The following SV2C variants were observed in gnomAD, a reference collection of about 807,000 sequenced individuals.
SV2C encodes the protein synaptic vesicle glycoprotein 2C, also known as solute carrier family 22 member B3.
A neutral mutation model predicts 79.7 loss-of-function variants in SV2C; 49 were observed. The ratio of observed to expected loss-of-function variants is 0.61; its 90% CI spans 0.49 to 0.78. The LOEUF (loss-of-function observed/expected upper bound fraction) is 0.78. SV2C is among the 30% of genes least tolerant of loss of function. The pLI, the probability that SV2C is intolerant of heterozygous loss-of-function variation, is 0.00. For missense variants in SV2C, 833 were observed against 912.9 expected (o/e 0.91, Z 1.13); for synonymous variants, 334 against 333.2 (o/e 1.00, Z -0.03).
chr5:75,864,321 C>G, the SV2C span, among the ~76,000 whole-genome samples: 6 of 151,366 alleles, frequency 4.0e-5, no homozygotes, highest in Non-Finnish European at 5.9e-5. Context: ...TCCATCCATC[C>G]ATCCATCCAT....
the SV2C span, among the ~76,000 whole-genome samples, chr5:76,017,348 G>T: frequency 2.0e-5 from 3 of 152,044 alleles, no homozygotes; most frequent in African/African-American, 4.8e-5. Context: ...GTGCAGTGGC[G>T]CAATCTTGGC....
chr5:75,857,945 A>G, the SV2C span, among the ~76,000 whole-genome samples: 1 of 152,176 alleles, frequency 6.6e-6, no homozygotes, highest in African/African-American at 2.4e-5. Flanking sequence ...TCATTTTTGT[A>G]TGTTGATTTT....
At chr5:75,850,197 A>C in the SV2C span, among the ~76,000 whole-genome samples, 1 of 152,312 alleles carries the variant, frequency 6.6e-6, no homozygotes, top group East Asian at 1.9e-4. Context: ...CAGATTTAGC[A>C]GATAAAAATT....
intron 9 of SV2C, 92 bp from the exon 10 acceptor site, chr5:76,298,701 TG>T: frequency 7.0e-7 from 1 of 1,433,076 alleles, no homozygotes; most frequent in Middle Eastern, 2.0e-4. Context: ...CAGTCCATAG[TG>T]GGGCATTCCA....
the SV2C span, among the ~76,000 whole-genome samples, chr5:75,896,898 C>T: frequency 1.4e-5 from 2 of 146,824 alleles, no homozygotes; most frequent in African/African-American, 2.7e-5. Context: ...GTCCTTTGCC[C>T]ACTTTTTGAT....
the SV2C span, among the ~76,000 whole-genome samples, chr5:75,859,189 G>A: frequency 6.6e-6 from 1 of 151,972 alleles, no homozygotes; most frequent in Non-Finnish European, 1.5e-5. Context: ...GCAATTTATT[G>A]ACTGAGCCCA....
the SV2C span, among the ~76,000 whole-genome samples, chr5:75,940,657 A>T: frequency 1.3e-5 from 2 of 152,232 alleles, no homozygotes; most frequent in Non-Finnish European, 1.5e-5. Context: ...CCTCCTGGCT[A>T]TTAGAGTTGA....
intron 2 of SV2C, among the ~76,000 whole-genome samples, chr5:76,158,043 T>C (rs777157088): frequency 2.7e-5 from 4 of 147,692 alleles, no homozygotes; most frequent in Non-Finnish European, 4.5e-5. Flanking sequence ...TTTAAAGTAG[T>C]AAAAAAAAAA....
the SV2C span, among the ~76,000 whole-genome samples, chr5:75,985,829 T>A: frequency 6.6e-6 from 1 of 151,970 alleles, no homozygotes; most frequent in East Asian, 1.9e-4. Context: ...AAGGGCAATA[T>A]GTGAAATAGG....
intron 4 of SV2C, among the ~76,000 whole-genome samples, chr5:76,264,296 T>C (rs1271290904): frequency 1.3e-5 from 2 of 151,964 alleles, no homozygotes; most frequent in Admixed American, 6.6e-5. Context: ...CCATTTATAT[T>C]CTTCTCTAAA....
the SV2C span, among the ~76,000 whole-genome samples, chr5:75,986,377 GAGAAGAGAAAGGGTCTACA>G: frequency 6.6e-6 from 1 of 151,734 alleles, no homozygotes; most frequent in African/African-American, 2.4e-5. Flanking sequence ...GATGTGCTCT[GAGAAGAGAAAGGGTCTACA>G]AGCCAACTAG....
chr5:76,216,486 A>T (rs1266763678), intron 4 of SV2C, among the ~76,000 whole-genome samples: 2 of 152,190 alleles, frequency 1.3e-5, no homozygotes, highest in Non-Finnish European at 2.9e-5. Flanking sequence ...TGCCTGTAAG[A>T]GCTGAAAATA....
chr5:76,282,406 A>C (rs1310697758), intron 4 of SV2C, among the ~76,000 whole-genome samples: 2 of 152,232 alleles, frequency 1.3e-5, no homozygotes, highest in Non-Finnish European at 2.9e-5. Flanking sequence ...GGTCTCATGA[A>C]GCTTTGGCGC....
At chr5:75,928,803 A>G in the SV2C span, among the ~76,000 whole-genome samples, 1 of 151,870 alleles carries the variant, frequency 6.6e-6, no homozygotes, top group Non-Finnish European at 1.5e-5. Flanking sequence ...TCCATCTTCC[A>G]CTCCCCAGAC....
rs1749054204 is a variant in SV2C, at chr5:76,327,750, T to A, written c.*2203T>A. On this transcript the variant is annotated 3_prime_UTR_variant, in exon 13 of 13. Transcript: ENST00000502798. ...ACTTTGCTAACTAGACTACCTTTAC[T>A]TTTCAAAATATCTCTAATGTCTGCT... 6.6e-6 allele frequency: 1 copy of A among 152,248 alleles called. No individual in the cohort carries two copies. The highest frequency in any genetic ancestry group is 1.5e-5 in the Non-Finnish European group (1 of 68,052). The allele number at this position is 152,248 out of a possible 1,614,324, so 9.4% of individuals were successfully genotyped here. A position where few individuals can be genotyped will look rare whatever the true frequency, so the allele number is the denominator to read the frequency against.
At chr5:76,009,282 G>C in the SV2C span, among the ~76,000 whole-genome samples, 1 of 152,194 alleles carries the variant, frequency 6.6e-6, no homozygotes, top group Non-Finnish European at 1.5e-5. Flanking sequence ...TGAGGCTGTG[G>C]AGAAAAGGGA....
At chr5:75,859,733 G>C in the SV2C span, among the ~76,000 whole-genome samples, 2 of 152,048 alleles carry the variant, frequency 1.3e-5, no homozygotes, top group Non-Finnish European at 2.9e-5. Flanking sequence ...AAACATCTTG[G>C]CTCCTCCTGA....
At chr5:76,061,812 CT>C in the SV2C span, among the ~76,000 whole-genome samples, 1 of 152,020 alleles carries the variant, frequency 6.6e-6, no homozygotes, top group African/African-American at 2.4e-5. Context: ...TCATTTGAAA[CT>C]TTCTTTCTAA....
intron 2 of SV2C, among the ~76,000 whole-genome samples, chr5:76,154,206 T>G (rs891921772): frequency 9.2e-5 from 14 of 152,234 alleles, no homozygotes; most frequent in Non-Finnish European, 1.5e-4. Flanking sequence ...AAAAATGCCC[T>G]GTTCCCTCCT....
Sources: allele counts gnomAD v4.1 joint callset (sites outside exome capture counted in the v4.1 genomes callset), GRCh38; gene constraint gnomAD v4.1.1; transcripts MANE v1.5; gene names NCBI Gene and HGNC (gene_info 2026-07-23, HGNC 2026-07-21).